BDP1: variants seen among roughly 807,000 people sequenced by gnomAD.
BDP1 encodes transcription factor TFIIIB component B'' homolog.
A neutral mutation model predicts 266.6 loss-of-function variants in BDP1; 169 were observed. The ratio of observed to expected loss-of-function variants is 0.63; its 90% CI spans 0.56 to 0.72. The LOEUF (loss-of-function observed/expected upper bound fraction) is 0.72. Ranked by LOEUF, BDP1 falls within the 30% of genes least tolerant of loss-of-function variation. BDP1 has a pLI of 0.00. For synonymous variants in BDP1, 1,090 were observed against 1,022.4 expected, an observed-to-expected ratio of 1.07 and a Z score of -1.26; for missense variants, 3,015 against 3,053.8, an observed-to-expected ratio of 0.99 and a Z score of 0.30.
chr5:71,551,524 C>CA (rs1249039615), intron 34 of BDP1, among the ~76,000 whole-genome samples: 2 of 152,240 alleles, frequency 1.3e-5, no homozygotes, highest in African/African-American at 4.8e-5. Context: ...TCTACACAGA[C>CA]ACGGCAACCA....
chr5:71,516,714 G>A (rs901846648), intron 21 of BDP1, among the ~76,000 whole-genome samples: 3 of 152,086 alleles, frequency 2.0e-5, no homozygotes, highest in East Asian at 3.9e-4. Flanking sequence ...CATTTTTGCT[G>A]TATAACATGC....
intron 32 of BDP1, among the ~76,000 whole-genome samples, chr5:71,547,056 T>G (rs574443696): frequency 2.6e-5 from 4 of 152,162 alleles, no homozygotes; most frequent in Non-Finnish European, 5.9e-5. Context: ...TTTCACTATG[T>G]TGGCCAGGCT....
intron 2 of BDP1, among the ~76,000 whole-genome samples, chr5:71,460,062 T>G (rs1761447168): frequency 6.6e-6 from 1 of 152,156 alleles, no homozygotes; most frequent in Non-Finnish European, 1.5e-5. Flanking sequence ...ATTAAATGAG[T>G]CAATACATGT....
At chr5:71,462,144 G>T (rs906479310) in intron 3 of BDP1, among the ~76,000 whole-genome samples, 6 of 151,874 alleles carry the variant, frequency 4.0e-5, no homozygotes, top group Admixed American at 2.6e-4. Flanking sequence ...TGTATTTTTA[G>T]TAGAGACTGG....
intron 7 of BDP1, among the ~76,000 whole-genome samples, chr5:71,471,458 C>G (rs1392073337): frequency 1.3e-5 from 2 of 152,022 alleles, no homozygotes; most frequent in East Asian, 3.9e-4. Context: ...GTAGCTTTTT[C>G]AATGCAAAAT....
chr5:71,469,771 G>A (rs899952411), intron 6 of BDP1, among the ~76,000 whole-genome samples: 1 of 150,354 alleles, frequency 6.7e-6, no homozygotes, highest in Non-Finnish European at 1.5e-5. Context: ...ACGCCACCAC[G>A]CCCAGCTCAT....
At chr5:71,461,958 C>CTTTTTTTTTTTT (rs370261571) in intron 3 of BDP1, 32 bp downstream of exon 3, 3 of 444,118 alleles carry the variant, frequency 6.8e-6, no homozygotes, top group Non-Finnish European at 7.6e-6. Flanking sequence ...TTTACTATCT[C>CTTTTTTTTTTTT]TTTTTTTTTT....
chr5:71,512,217 G>C, intron 17 of BDP1, 24 bp from the exon 18 acceptor site: 1 of 1,272,688 alleles, frequency 7.9e-7, no homozygotes. Context: ...TATTTGTGCT[G>C]ATTTACTATG....
At chr5:71,466,249 T>C (rs1275978262) in intron 5 of BDP1, 28 bp downstream of exon 5, 2 of 1,613,020 alleles carry the variant, frequency 1.2e-6, no homozygotes, top group East Asian at 4.5e-5. Context: ...AAAGTGAGAT[T>C]GTGGTTACAT....
rs1425057412 is a variant in BDP1, at chr5:71,567,503, T to C, written c.*2618T>C. On this transcript the variant is annotated 3_prime_UTR_variant, in exon 39 of 39. Transcript: ENST00000358731. ...GAAGAAGATGTTGCAAAGGATTTAT[T>C]TCACAAATTTTAAAGGAGATATGAG... 1 of 152,474 alleles carries C rather than the reference T, an allele frequency of 6.6e-6. No individual in the cohort carries two copies. Among genetic ancestry groups the C allele is most frequent in the Non-Finnish European group, 1.5e-5 (1 of 68,034 alleles). 9.4% of individuals were successfully genotyped at this position (152,474 alleles called of 1,614,324 possible).
intron 7 of BDP1, among the ~76,000 whole-genome samples, chr5:71,478,609 T>C (rs1325814151): frequency 1.3e-5 from 2 of 152,118 alleles, no homozygotes; most frequent in African/African-American, 4.8e-5. Context: ...AGTAATCATA[T>C]CGTTCTTGCC....
At chr5:71,482,466 G>A (rs1010726206) in intron 7 of BDP1, among the ~76,000 whole-genome samples, 4 of 152,224 alleles carry the variant, frequency 2.6e-5, no homozygotes, top group South Asian at 2.1e-4. Context: ...TCGTGGTGGA[G>A]TTGGATATGT....
In BDP1 at chr5:71,548,724, A is replaced by G. The variant is rs369987396; in HGVS notation, c.6787A>G (p.Ile2263Val). ...TCCAGAAGTCCAACAAGAGAATATAATCAATCCTCAAGACCTAACAGGTAT... is the reference window on the plus strand; with the variant it reads ...TCCAGAAGTCCAACAAGAGAATATAGTCAATCCTCAAGACCTAACAGGTAT... ...SIPEVQQENI[I>V]NPQDLTVNLV... Residue 2263 changes from isoleucine (I) to valine (V), a missense_variant, in exon 33 of 39, where the codon ATC (isoleucine) becomes GTC (valine). Coordinates refer to ENST00000358731, the MANE Select transcript of BDP1 (RefSeq NM_018429.3). The G allele has an allele frequency of 1.9e-5, 30 of 1,605,158 alleles. No homozygotes were observed. The highest frequency in any genetic ancestry group is 2.3e-5 in the Non-Finnish European group (27 of 1,172,280).
At chr5:71,545,240 A>G (rs1333242929) in intron 32 of BDP1, 21 bp downstream of exon 32, 6 of 1,596,426 alleles carry the variant, frequency 3.8e-6, no homozygotes, top group Non-Finnish European at 4.3e-6. Context: ...GTACAGTATA[A>G]TAAGGGATAG....
At chr5:71,507,501 A>G (rs1219197850) in intron 16 of BDP1, among the ~76,000 whole-genome samples, 2 of 152,208 alleles carry the variant, frequency 1.3e-5, no homozygotes, top group African/African-American at 4.8e-5. Flanking sequence ...CTGTTATGGA[A>G]ATAATGAAAT....
chr5:71,510,482 GACA>G lies in BDP1; in HGVS notation c.3391_3393del (p.Thr1131del), dbSNP rs1165400852. The G allele has an allele frequency of 3.1e-6, 5 of 1,613,348 alleles. No homozygotes were observed. The highest frequency in any genetic ancestry group is 4.2e-6 in the Non-Finnish European group (5 of 1,179,866). Reference sequence around the variant, plus strand: ...GAAGGGAGATTTCCCCAAGGGAGAAGACACCAGAGGTGATTGATGCCACTGAGG... The same window carrying G: ...GAAGGGAGATTTCCCCAAGGGAGAAGCCAGAGGTGATTGATGCCACTGAGG... On this transcript the variant is annotated inframe_deletion, in exon 17 of 39. Transcript: ENST00000358731.
At chr5:71,492,843 A>C (rs1333283741) in intron 11 of BDP1, among the ~76,000 whole-genome samples, 1 of 152,224 alleles carries the variant, frequency 6.6e-6, no homozygotes, top group Non-Finnish European at 1.5e-5. Flanking sequence ...ATTTTTAAGC[A>C]TACAATTTAG....
intron 6 of BDP1, among the ~76,000 whole-genome samples, chr5:71,469,436 G>A (rs1762102915): frequency 1.3e-5 from 2 of 152,038 alleles, no homozygotes; most frequent in African/African-American, 4.8e-5. Flanking sequence ...CACCGTGCGT[G>A]GCCTCTTGTG....
intron 9 of BDP1, 23 bp from the exon 10 acceptor site, chr5:71,489,381 A>T: frequency 1.3e-6 from 2 of 1,550,852 alleles, no homozygotes; most frequent in Non-Finnish European, 1.7e-6. Flanking sequence ...TTAAATATTT[A>T]TAGTAATTTC....
Sources: allele counts gnomAD v4.1 joint callset (sites outside exome capture counted in the v4.1 genomes callset), GRCh38; gene constraint gnomAD v4.1.1; transcripts MANE v1.5; gene names NCBI Gene and HGNC (gene_info 2026-07-23, HGNC 2026-07-21).